WDPCP: variants seen among roughly 807,000 people sequenced by gnomAD.
WDPCP encodes the protein WD repeat containing planar cell polarity effector.
A neutral mutation model predicts 93.1 loss-of-function variants in WDPCP; 71 were observed. The observed-to-expected ratio is 0.76, with a 90% CI of 0.63 to 0.93. WDPCP has a LOEUF of 0.93. Among genes scored for constraint, WDPCP ranks in the 40% least tolerant of loss-of-function variants. The pLI is 0.00. For missense variants in WDPCP, 844 were observed against 887.4 expected, an observed-to-expected ratio of 0.95 and a Z score of 0.62; for synonymous variants, 315 against 315.0, an observed-to-expected ratio of 1.00 and a Z score of 0.00.
intron 1 of WDPCP, among the ~76,000 whole-genome samples, chr2:63,815,897 CTT>C (rs71393330): frequency 8.2e-5 from 12 of 147,020 alleles, no homozygotes; most frequent in African/African-American, 2.8e-4. Context: ...TTATTTTTTG[CTT>C]TTTTTTTTCA....
intron 12 of WDPCP, among the ~76,000 whole-genome samples, chr2:63,350,438 A>C (rs1378131997): frequency 2.0e-5 from 3 of 151,192 alleles, no homozygotes; most frequent in Non-Finnish European, 4.4e-5. Context: ...TTAGAGTATA[A>C]AAAAAGAAAA....
rs58717654 is a variant in WDPCP, at chr2:63,802,281, T to TAAAAAAAAAAAAAAAAAAA, written n.308+11322_308+11340dup. ...GGCAACATTATGATACCCTCTCTCT[T>TAAAAAAAAAAAAAAAAAAA]AAAAAAAAAAAAAAAAAAAAAAAAA... is the stretch of plus-strand genomic sequence containing the variant. On this transcript the variant is annotated intron_variant and non_coding_transcript_variant, in intron 2 of 4. Transcript: ENST00000467687. 5.5e-5 allele frequency among the ~76,000 whole-genome samples: 3 copies of TAAAAAAAAAAAAAAAAAAA among 54,390 alleles called. 1 individual carries two copies. The highest frequency in any genetic ancestry group is 1.2e-3 in the East Asian group (2 of 1,634). 35.7% of individuals were successfully genotyped at this position (54,390 alleles called of 152,430 possible).
intron 14 of WDPCP, among the ~76,000 whole-genome samples, chr2:63,211,459 T>C (rs1273646648): frequency 6.6e-6 from 1 of 152,174 alleles, no homozygotes; most frequent in African/African-American, 2.4e-5. Context: ...ACCCCATTTG[T>C]ACGTCAACAT....
rs1007224593 is a variant in WDPCP, at chr2:63,185,941, A to T, written c.1916-11109T>A. Among the ~76,000 whole-genome samples the T allele has an allele frequency of 5.3e-5, 8 of 152,244 alleles. No homozygotes were observed. The East Asian group carries it at 5.8e-4, about 11-fold the overall frequency. ...GGCCCCCCCACCTCCCAAACAGTGA[A>T]TGCAACCACTATCTCTGAGGAGAGT... On this transcript the variant is annotated intron_variant, in intron 14 of 17. Coordinates refer to ENST00000272321, the MANE Select transcript of WDPCP (RefSeq NM_015910.7).
intron 3 of WDPCP, among the ~76,000 whole-genome samples, chr2:63,639,343 T>G (rs1709956338): frequency 6.6e-6 from 1 of 152,212 alleles, no homozygotes; most frequent in Non-Finnish European, 1.5e-5. Flanking sequence ...CAGGGTCTAC[T>G]GTGTTGCCCA....
chr2:63,815,370 CTA>C (rs2104104056), intron 1 of WDPCP, among the ~76,000 whole-genome samples: 1 of 152,262 alleles, frequency 6.6e-6, no homozygotes, highest in Admixed American at 6.5e-5. Flanking sequence ...TTCATTAAAA[CTA>C]TTTCTAAAAA....
At chr2:63,786,753 C>T (rs2103989563) in intron 2 of WDPCP, among the ~76,000 whole-genome samples, 1 of 152,200 alleles carries the variant, frequency 6.6e-6, no homozygotes, top group Middle Eastern at 3.4e-3. Flanking sequence ...AAATTGCATG[C>T]ATTGATGTAA....
intron 17 of WDPCP, among the ~76,000 whole-genome samples, chr2:63,124,881 T>G (rs77239605): frequency 3.3e-5 from 5 of 152,038 alleles, no homozygotes; most frequent in Admixed American, 3.3e-4. Context: ...TTTTTTTTTT[T>G]CCACTATAGT....
chr2:63,466,957 C>G (rs991392283), intron 6 of WDPCP, among the ~76,000 whole-genome samples: 8 of 151,942 alleles, frequency 5.3e-5, no homozygotes, highest in Non-Finnish European at 8.8e-5. Flanking sequence ...AAGAAATAAC[C>G]ATTTATGAAG....
intron 2 of WDPCP, among the ~76,000 whole-genome samples, chr2:63,764,583 C>A (rs760528690): frequency 6.6e-6 from 1 of 152,140 alleles, no homozygotes; most frequent in Non-Finnish European, 1.5e-5. Flanking sequence ...ATTAAAAAAG[C>A]ACATTAAATA....
At chr2:63,632,919 AAC>A (rs1709879223) in intron 3 of WDPCP, among the ~76,000 whole-genome samples, 1 of 152,196 alleles carries the variant, frequency 6.6e-6, no homozygotes, top group Admixed American at 6.5e-5. Context: ...ACTTCACCAA[AAC>A]ACATTATAAT....
At chr2:63,797,297 G>A (rs1443687480) in intron 2 of WDPCP, among the ~76,000 whole-genome samples, 1 of 152,042 alleles carries the variant, frequency 6.6e-6, no homozygotes, top group East Asian at 1.9e-4. Flanking sequence ...TTCTGCTTGA[G>A]AAAGGGAGAG....
rs1394408094 is a variant in WDPCP at position 63,120,981 on chromosome 2, T to C, written c.*1025A>G. On this transcript the variant is annotated 3_prime_UTR_variant, in exon 18 of 18. Coordinates refer to ENST00000272321, the MANE Select transcript of WDPCP (RefSeq NM_015910.7). ...ATGCTGTTAGAAGACATGAGACTCC[T>C]GAGTCAGAGACAAATGATAGTAACC... Among the ~76,000 whole-genome samples, 1 of 152,208 alleles carries C rather than the reference T, an allele frequency of 6.6e-6. No homozygotes were observed. The highest frequency in any genetic ancestry group is 1.5e-5 in the Non-Finnish European group (1 of 68,034).
Position 63,439,881 on chromosome 2 carries a change from G to A in WDPCP, c.385-10C>T, listed in dbSNP as rs1697391131. On this transcript the variant is annotated splice_polypyrimidine_tract_variant and intron_variant, in intron 6 of 17. Transcript: ENST00000272321. ...CTGAACCAAAAAGGAGCTAAAACCA[G>A]GTAAGTGGGGGAGAGAGGGAGGAAG... is the stretch of plus-strand genomic sequence containing the variant. 1.2e-6 allele frequency: 2 copies of A among 1,603,416 alleles called. No individual in the cohort carries two copies. The highest frequency in any genetic ancestry group is 4.5e-5 in the East Asian group (2 of 44,822).
chr2:63,585,676 C>A (rs1433038082), intron 1 of WDPCP, among the ~76,000 whole-genome samples: 1 of 151,560 alleles, frequency 6.6e-6, no homozygotes, highest in Non-Finnish European at 1.5e-5. Flanking sequence ...TTGTTACTTT[C>A]AACAAAAAGG....
chr2:63,717,432 GGCT>G (rs1669355098), intron 2 of WDPCP: 1 of 388,798 alleles, frequency 2.6e-6, no homozygotes, highest in Non-Finnish European at 5.0e-6. Flanking sequence ...GAATGCCAGA[GGCT>G]GCTGCCCAAA....
intron 3 of WDPCP, among the ~76,000 whole-genome samples, chr2:63,598,910 A>G (rs1320491152): frequency 2.6e-5 from 4 of 152,106 alleles, no homozygotes; most frequent in Admixed American, 2.0e-4. Context: ...AAAAAAAAAA[A>G]AAAAGATATA....
chr2:63,345,815 A>G (rs954682081), intron 12 of WDPCP, among the ~76,000 whole-genome samples: 9 of 152,172 alleles, frequency 5.9e-5, no homozygotes, highest in African/African-American at 2.2e-4. Flanking sequence ...GAAGAAGCTC[A>G]GAGACCTTTC....
intron 12 of WDPCP, among the ~76,000 whole-genome samples, chr2:63,365,351 C>T (rs948194420): frequency 1.3e-5 from 2 of 152,262 alleles, no homozygotes; most frequent in South Asian, 2.1e-4. Context: ...TTTACTACAG[C>T]TATAACAAAA....
Sources: allele counts gnomAD v4.1 joint callset (sites outside exome capture counted in the v4.1 genomes callset), GRCh38; gene constraint gnomAD v4.1.1; transcripts MANE v1.5; gene names NCBI Gene and HGNC (gene_info 2026-07-23, HGNC 2026-07-21).